The following ZFHX2 variants were observed in gnomAD, a reference collection of about 807,000 sequenced individuals.
The protein encoded by ZFHX2 is zinc finger homeobox 2, also known as zinc finger homeobox protein 2.
ZFHX2 carries 75 observed loss-of-function variants against 164.8 expected under a neutral mutation model. The ratio of observed to expected loss-of-function variants is 0.46; its 90% CI spans 0.38 to 0.55. The LOEUF is 0.55. ZFHX2 is among the 20% of genes least tolerant of loss of function. ZFHX2 has a pLI of 0.00. For synonymous variants in ZFHX2, 1,217 were observed against 1,351.4 expected (o/e 0.90, Z 2.18); for missense variants, 2,933 against 3,308.0 (o/e 0.89, Z 2.78).
rs942074327 is a variant in ZFHX2, at chr14:23,521,830, G to A, written c.*132C>T. 5 of 1,435,668 alleles carry A rather than the reference G, an allele frequency of 3.5e-6. No homozygotes were observed. The highest frequency in any genetic ancestry group is 4.6e-6 in the Non-Finnish European group (5 of 1,093,274). 88.9% of individuals were successfully genotyped at this position (1,435,668 alleles called of 1,614,324 possible). ...GGGTGTGTGGTGCCCACTGAGGGTG[G>A]GAACTGAACAGTTCCTGTGAGGTGG... On this transcript the variant is annotated 3_prime_UTR_variant, in exon 10 of 10. Transcript: ENST00000419474.
chr14:23,526,434 G>A lies in ZFHX2; in HGVS notation c.3508C>T (p.Pro1170Ser). ...AEPAPADSRHPLTYRKTTNFA... is the reference protein window; with the variant it reads ...AEPAPADSRHSLTYRKTTNFA... ...TTGGTGGTTTTCCGATAGGTCAGAG[G>A]GTGGCGAGAGTCAGCTGGAGCTGGC... Residue 1170 changes from proline (P) to serine (S), a missense_variant, in exon 9 of 10, where the codon CCT becomes TCT. Pro to Ser is a moderately conservative substitution (Grantham distance 74, BLOSUM62 -1). Transcript: ENST00000419474. 1 of 1,536,342 alleles carries A rather than the reference G, an allele frequency of 6.5e-7. No individual in the cohort carries two copies. Among genetic ancestry groups the A allele is most frequent in the Non-Finnish European group, 8.7e-7 (1 of 1,146,866 alleles).
In ZFHX2 at chr14:23,535,839, A is replaced by G. The variant is rs1354433332; in HGVS notation, c.-49-465T>C. On this transcript the variant is annotated intron_variant, in intron 1 of 9. Coordinates refer to ENST00000419474, the MANE Select transcript of ZFHX2 (RefSeq NM_033400.3). This position sits in a 1 kb window ranked among gnomAD's most constrained non-coding sequence, Gnocchi z 4.5. ...ACTCCCGACCTCAAGTGATCCGCCC[A>G]CCTCGGCCTCCCAAAGTGCTAGGAT... Among the ~76,000 whole-genome samples, 1 of 151,972 alleles carries G rather than the reference A, an allele frequency of 6.6e-6. No homozygotes were observed. The highest frequency in any genetic ancestry group is 1.5e-5 in the Non-Finnish European group (1 of 67,998).
chr14:23,532,461 T>TC, intron 3 of ZFHX2, 106 bp downstream of exon 3: 1 of 1,345,562 alleles, frequency 7.4e-7, no homozygotes, highest in East Asian at 2.7e-5. Flanking sequence ...TTCCTTTTTC[T>TC]CCATTTGTCA....
In ZFHX2 at chr14:23,523,576, C is replaced by T. The variant is rs769795105; in HGVS notation, c.6366G>A (p.Lys2122=). 5 of 1,544,254 alleles carry T rather than the reference C, an allele frequency of 3.2e-6. No individual in the cohort carries two copies. The highest frequency in any genetic ancestry group is 4.3e-6 in the Non-Finnish European group (5 of 1,150,612). ...WFQNARAKEK[K]AKLQGTAAGS... ...CAGCGGCTGTCCCCTGTAGTTTGGC[C>T]TTCTTTTCCTTGGCACGAGCATTCT... The change falls in exon 9 of 10, where the codon AAG becomes AAA. Residue 2122 remains lysine (K), a synonymous_variant. Transcript: ENST00000419474. This position sits in a 1 kb window ranked among gnomAD's most constrained non-coding sequence, Gnocchi z 4.1.
Position 23,525,254 on chromosome 14 carries a change from CG to C in ZFHX2, c.4687del (p.Arg1563ValfsTer15). On this transcript the variant is annotated frameshift_variant, in exon 9 of 10. Coordinates refer to ENST00000419474, the MANE Select transcript of ZFHX2 (RefSeq NM_033400.3). LOFTEE classifies it high-confidence loss of function. This position sits in a 1 kb window ranked among gnomAD's most constrained non-coding sequence, Gnocchi z 5.9. ...LVPEPEAGGTRAPEERSRAGG... is the reference protein window; with the variant it reads ...LVPEPEAGGTXAPEERSRAGG... ...TGCTCGACTTCGCTCTTCAGGGGCACGGGTCCCCCCTGCCTCAGGCTCTGGG... is the reference window on the plus strand; with the variant it reads ...TGCTCGACTTCGCTCTTCAGGGGCACGGTCCCCCCTGCCTCAGGCTCTGGG... 2.0e-6 allele frequency: 3 copies of C among 1,536,076 alleles called. No individual in the cohort carries two copies. The highest frequency in any genetic ancestry group is 2.6e-6 in the Non-Finnish European group (3 of 1,146,900).
At position 23,533,209 on chromosome 14, in the gene ZFHX2, T is replaced by C. The variant is rs1879777203; in HGVS notation, c.2041+76A>G. On this transcript the variant is annotated intron_variant, in intron 2 of 9. Transcript: ENST00000419474. This position sits in a 1 kb window ranked among gnomAD's most constrained non-coding sequence, Gnocchi z 4.8. ...GACTTATGGTTACCTAAGTGGGGAG[T>C]TGGTCCTTGGGAGAAAGCACGGAAT... 30 of 1,434,712 alleles carry C rather than the reference T, an allele frequency of 2.1e-5. No homozygotes were observed. The highest frequency in any genetic ancestry group is 2.5e-5 in the Non-Finnish European group (28 of 1,098,756). 88.9% of individuals were successfully genotyped at this position (1,434,712 alleles called of 1,614,324 possible).
At chr14:23,538,417 T>C (rs1013330106) in intron 1 of ZFHX2, among the ~76,000 whole-genome samples, 3 of 152,102 alleles carry the variant, frequency 2.0e-5, no homozygotes, top group South Asian at 4.2e-4. Context: ...TTGCTTTTTT[T>C]CCCCTCATTG....
chr14:23,531,375 A>G, intron 4 of ZFHX2, 106 bp downstream of exon 4: 1 of 1,326,118 alleles, frequency 7.5e-7, no homozygotes, highest in South Asian at 2.2e-5. Flanking sequence ...GGTGGCCTAC[A>G]GGCCCTCTTC....
Position 23,530,149 on chromosome 14 carries a change from T to A in ZFHX2, c.2846A>T (p.Lys949Ile). ...TPLAEPPTPE[K>I]DAQNKTEQLA... is the part of the protein sequence containing the mutation. ...TTGTTCTGTCTTGTTCTGGGCATCTTTCTCAGGGGTGGGTGGCTCAGCTAA... is the reference window on the plus strand; with the variant it reads ...TTGTTCTGTCTTGTTCTGGGCATCTATCTCAGGGGTGGGTGGCTCAGCTAA... The change falls in exon 5 of 10, where the codon AAA (lysine) becomes ATA (isoleucine). Residue 949 changes from lysine (K) to isoleucine (I), a missense_variant. By Grantham distance (102) the Lys-to-Ile change is moderately radical. Coordinates refer to ENST00000419474, the MANE Select transcript of ZFHX2 (RefSeq NM_033400.3). The A allele has an allele frequency of 2.6e-6, 4 of 1,536,104 alleles. No individual in the cohort carries two copies. Among genetic ancestry groups the A allele is most frequent in the Non-Finnish European group, 3.5e-6 (4 of 1,146,868 alleles).
intron 1 of ZFHX2, among the ~76,000 whole-genome samples, chr14:23,536,954 A>ATGGTGAAACCC (rs56375222): frequency 0.98 from 148,422 of 151,718 alleles, 72,643 homozygotes; most frequent in East Asian, 1. Flanking sequence ...CCTGGCCAAC[A>ATGGTGAAACCC]TGGTGAAACC....
chr14:23,531,440 C>T (rs1879540971), intron 4 of ZFHX2, 41 bp downstream of exon 4: 2 of 1,362,048 alleles, frequency 1.5e-6, no homozygotes, highest in East Asian at 2.8e-5. Context: ...TCCTGCTGCC[C>T]TCCCTGCCCA....
Position 23,546,150 on chromosome 14 carries a change from T to C in ZFHX2, c.-50+5193A>G, listed in dbSNP as rs1881360056. Among the ~76,000 whole-genome samples the C allele has an allele frequency of 6.6e-6, 1 of 152,208 alleles. No homozygotes were observed. The highest frequency in any genetic ancestry group is 6.5e-5 in the Admixed American group (1 of 15,282). On this transcript the variant is annotated intron_variant, in intron 1 of 9. Coordinates refer to ENST00000419474, the MANE Select transcript of ZFHX2 (RefSeq NM_033400.3). The surrounding 1 kb of genome is among the most constrained non-coding windows in gnomAD (Gnocchi z 4.7). ...CAACGTGCTCCACAGGACCAGACTC[T>C]CCATGCATAAACTGCTCTGCAGAGA...
Position 23,531,783 on chromosome 14 carries a change from T to A in ZFHX2, c.2560-62A>T, listed in dbSNP as rs1450416997. The A allele has an allele frequency of 4.4e-6, 5 of 1,131,946 alleles. No individual in the cohort carries two copies. The East Asian group carries it at 1.7e-4, about 38-fold the overall frequency. The allele number at this position is 1,131,946 out of a possible 1,614,324, so 70.1% of individuals were successfully genotyped here. A position where few individuals can be genotyped will look rare whatever the true frequency, so the allele number is the denominator to read the frequency against. The stretch of plus-strand genomic sequence containing the variant: ...GGGACATGCCAGACCTCAGGGGACT[T>A]TTTTTTTTTTTCTAGAGAGAGTCTT... On this transcript the variant is annotated intron_variant, in intron 3 of 9. Transcript: ENST00000419474.
In ZFHX2 at chr14:23,527,728, G is replaced by A. The variant is rs963710186; in HGVS notation, c.3011C>T (p.Ala1004Val). ...TGGGCATCTGTACTTGGGCTGCACT[G>A]CATGCTGGGAGAGTGTATGAGCCCT... ...QVRAHTLSQH[A>V]VQPKYRCPLC... The change falls in exon 7 of 10, where the codon GCA becomes GTA. Residue 1004 changes from alanine (A) to valine (V), a missense_variant. By Grantham distance (64) the Ala-to-Val change is moderately conservative. Transcript: ENST00000419474. The A allele has an allele frequency of 3.3e-6, 5 of 1,536,030 alleles. No homozygotes were observed. Among genetic ancestry groups the A allele is most frequent in the Non-Finnish European group, 4.4e-6 (5 of 1,146,918 alleles).
At chr14:23,552,621 T>TGAGACAG (rs1040174824), upstream of ZFHX2, among the ~76,000 whole-genome samples, 7 of 150,624 alleles carry the variant, frequency 4.6e-5, no homozygotes, top group African/African-American at 1.7e-4. Flanking sequence ...GTTTTTTTCT[T>TGAGACAG]GAGACAGAGT....
chr14:23,525,222 G>GTCC lies in ZFHX2; in HGVS notation c.4717_4719dup (p.Gly1573dup). On this transcript the variant is annotated inframe_insertion, in exon 9 of 10. Coordinates refer to ENST00000419474, the MANE Select transcript of ZFHX2 (RefSeq NM_033400.3). This position sits in a 1 kb window ranked among gnomAD's most constrained non-coding sequence, Gnocchi z 5.9. ...CTTTCTTCCTCTTCTATGGGCCAGT[G>GTCC]TCCCCCTGCTCGACTTCGCTCTTCA... The GTCC allele has an allele frequency of 6.5e-7, 1 of 1,536,136 alleles. No individual in the cohort carries two copies. Among genetic ancestry groups the GTCC allele is most frequent in the Non-Finnish European group, 8.7e-7 (1 of 1,146,924 alleles).
Position 23,522,656 on chromosome 14 carries a change from C to T in ZFHX2, c.7025G>A (p.Gly2342Glu), listed in dbSNP as rs1878162626. The T allele has an allele frequency of 3.9e-6, 6 of 1,536,356 alleles. No individual in the cohort carries two copies. The highest frequency in any genetic ancestry group is 5.2e-6 in the Non-Finnish European group (6 of 1,146,872). Residue 2342 changes from glycine to glutamate, a missense_variant, in exon 10 of 10, where the codon GGG becomes GAG. Coordinates refer to ENST00000419474, the MANE Select transcript of ZFHX2 (RefSeq NM_033400.3). ...ALKTTVPALL[G>E]GQFLPFPLPP... ...CAATGGAAAGGGCAGGAACTGGCCC[C>T]CCAACAGGGCTGGGACAGTGGTCTT...
At chr14:23,532,446 A>C in intron 3 of ZFHX2, 121 bp downstream of exon 3, 3 of 1,228,798 alleles carry the variant, frequency 2.4e-6, no homozygotes, top group Non-Finnish European at 2.1e-6. Context: ...TACCTGGTGC[A>C]TACTTTCCTT....
Position 23,524,249 on chromosome 14 carries a change from T to C in ZFHX2, c.5693A>G (p.Lys1898Arg). The C allele has an allele frequency of 6.5e-7, 1 of 1,536,426 alleles. No individual in the cohort carries two copies. ...DCISEEVGLK[K>R]RVVQVWFQNT... Reference sequence around the variant, plus strand: ...CTGGAACCAGACCTGTACCACTCGCTTTTTGAGCCCCACCTCCTCGGAGAT... The same window carrying C: ...CTGGAACCAGACCTGTACCACTCGCCTTTTGAGCCCCACCTCCTCGGAGAT... The change falls in exon 9 of 10, where the codon AAG becomes AGG. Residue 1898 changes from lysine to arginine, a missense_variant. Physicochemically the swap from Lys to Arg is conservative, Grantham distance 26. Coordinates refer to ENST00000419474, the MANE Select transcript of ZFHX2 (RefSeq NM_033400.3). This position sits in a 1 kb window ranked among gnomAD's most constrained non-coding sequence, Gnocchi z 5.6.
Sources: gnomAD v4.1 joint callset for allele counts (sites outside exome capture counted in the v4.1 genomes callset) on GRCh38, gnomAD v4.1.1 for gene constraint, Gnocchi (gnomAD v3.1) non-coding constraint, MANE v1.5 for transcripts, NCBI Gene and HGNC (gene_info 2026-07-23, HGNC 2026-07-21) for gene names.